Variants in KCNN3 observed in about 807,000 individuals in gnomAD.
The protein encoded by KCNN3 is small conductance calcium-activated potassium channel protein 3.
In KCNN3, 16 loss-of-function variants were observed where a neutral mutation model predicts 62.9. The ratio of observed to expected loss-of-function variants is 0.25; its 90% confidence interval spans 0.17 to 0.39. KCNN3 has a LOEUF of 0.39. Ranked by LOEUF, KCNN3 falls within the 10% of genes least tolerant of loss-of-function variation. The pLI, the probability that KCNN3 is intolerant of heterozygous loss-of-function variation, is 1.00. For missense variants in KCNN3, 599 were observed against 949.4 expected (o/e 0.63, Z 4.85); for synonymous variants, 370 against 389.2 (o/e 0.95, Z 0.58).
chr1:154,751,291 T>A (rs1473591473), intron 3 of KCNN3, among the ~76,000 whole-genome samples: 1 of 152,218 alleles, frequency 6.6e-6, no homozygotes, highest in Admixed American at 6.5e-5. Flanking sequence ...AGGTGTTTTT[T>A]TGGATCACAT....
intron 1 of KCNN3, among the ~76,000 whole-genome samples, chr1:154,825,977 G>A (rs1177800121): frequency 6.6e-6 from 1 of 151,254 alleles, no homozygotes; most frequent in East Asian, 2.0e-4. Context: ...GAACCCGGGA[G>A]GCGGAGCTTG....
rs1305948105 is a variant in KCNN3, at chr1:154,822,146, A to G, written c.972T>C (p.Ser324=). 6.2e-7 allele frequency: 1 copy of G among 1,614,034 alleles called. No individual in the cohort carries two copies. The highest frequency in any genetic ancestry group is 1.3e-5 in the African/African-American group (1 of 74,924). Residue 324 remains serine, a synonymous_variant, in exon 2 of 8, where the codon AGT becomes AGC. Coordinates refer to ENST00000271915, the MANE Select transcript of KCNN3 (RefSeq NM_002249.6). The part of the protein sequence containing the change: ...MFSLALKCLI[S]LSTIILLGLI... ...AGCCCAAAAGGATGATGGTGGACAG[A>G]CTGATAAGGCATTTCAGGGCCAACG...
chr1:154,793,733 GTTAAC>G (rs1649613871), intron 2 of KCNN3, among the ~76,000 whole-genome samples: 1 of 152,204 alleles, frequency 6.6e-6, no homozygotes, highest in Non-Finnish European at 1.5e-5. Flanking sequence ...GGCTGGAGTA[GTTAAC>G]TTAGCTTGAC....
rs112864449 is a variant in KCNN3, at chr1:154,771,058, G to GATAAATAA, written c.1448+909_1448+916dup. On this transcript the variant is annotated intron_variant, in intron 3 of 7. Transcript: ENST00000271915. ...GGCGAGAGAGCGAGACTCCATCTCA[G>GATAAATAA]ATAAATAAATAAATAAATAAATAAA... Among the ~76,000 whole-genome samples the GATAAATAA allele has an allele frequency of 4.3e-3, 590 of 136,648 alleles. 6 individuals carry two copies. Among genetic ancestry groups the GATAAATAA allele is most frequent in the African/African-American group, 0.01 (374 of 36,030 alleles). 89.6% of individuals were successfully genotyped at this position (136,648 alleles called of 152,430 possible).
chr1:154,799,515 C>A (rs1428023858), intron 2 of KCNN3, among the ~76,000 whole-genome samples: 1 of 152,206 alleles, frequency 6.6e-6, no homozygotes, highest in African/African-American at 2.4e-5. Flanking sequence ...CGAGGGCAGG[C>A]TGACCCGCTT....
At chr1:154,735,476 C>A (rs1401945027) in intron 3 of KCNN3, among the ~76,000 whole-genome samples, 4 of 152,302 alleles carry the variant, frequency 2.6e-5, no homozygotes, top group African/African-American at 9.6e-5. Flanking sequence ...CCTGCCCACT[C>A]CATCTGCTAT....
At chr1:154,719,612 T>C (rs4845663) in intron 5 of KCNN3, among the ~76,000 whole-genome samples, 78,417 of 151,982 alleles carry the variant, frequency 0.52, 22,986 homozygotes, top group African/African-American at 0.82. Flanking sequence ...AGGTTGAAAT[T>C]AGGCTGAGTG....
At chr1:154,804,638 G>A (rs1323982115) in intron 2 of KCNN3, among the ~76,000 whole-genome samples, 1 of 151,980 alleles carries the variant, frequency 6.6e-6, no homozygotes, top group Non-Finnish European at 1.5e-5. Context: ...GAAATTAACT[G>A]AATCCCACAG....
At chr1:154,713,615 A>G (rs1700122783) in intron 6 of KCNN3, 82 bp from the exon 7 acceptor site, 1 of 1,154,126 alleles carries the variant, frequency 8.7e-7, no homozygotes, top group Non-Finnish European at 1.3e-6. Flanking sequence ...CAGCCCTACC[A>G]CTGCCTCTGA....
At chr1:154,723,765 G>T (rs2101779378) in intron 5 of KCNN3, among the ~76,000 whole-genome samples, 1 of 152,316 alleles carries the variant, frequency 6.6e-6, no homozygotes, top group African/African-American at 2.4e-5. Flanking sequence ...ACATCTCCCT[G>T]CCCTCACTCC....
chr1:154,745,367 G>A (rs1442425867), intron 3 of KCNN3, among the ~76,000 whole-genome samples: 15 of 152,236 alleles, frequency 9.9e-5, no homozygotes, highest in Admixed American at 5.2e-4. Flanking sequence ...CTGTGAAAAC[G>A]AGAGTTTGGT....
At chr1:154,861,271 C>A (rs1652759971) in intron 1 of KCNN3, among the ~76,000 whole-genome samples, 1 of 152,018 alleles carries the variant, frequency 6.6e-6, no homozygotes, top group Admixed American at 6.6e-5. Context: ...CCTTAACTAC[C>A]AAGCCTGGCC....
At chr1:154,849,343 G>A (rs556140577) in intron 1 of KCNN3, among the ~76,000 whole-genome samples, 63 of 152,348 alleles carry the variant, frequency 4.1e-4, no homozygotes, top group Middle Eastern at 3.4e-3. Context: ...ATGTGGCCTC[G>A]CAGGGGCCAA....
intron 1 of KCNN3, among the ~76,000 whole-genome samples, chr1:154,828,145 C>T (rs1651214705): frequency 6.6e-6 from 1 of 152,086 alleles, no homozygotes; most frequent in East Asian, 1.9e-4. Flanking sequence ...GGTGTGCATC[C>T]GAGGGCGCAG....
intron 5 of KCNN3, among the ~76,000 whole-genome samples, chr1:154,724,955 C>T (rs1310500642): frequency 6.6e-6 from 1 of 151,314 alleles, no homozygotes; most frequent in African/African-American, 2.4e-5. Context: ...TTCCTGGGTT[C>T]AAGTGATTCT....
At chr1:154,817,604 C>T (rs1571305920) in intron 2 of KCNN3, among the ~76,000 whole-genome samples, 1 of 152,214 alleles carries the variant, frequency 6.6e-6, no homozygotes, top group Non-Finnish European at 1.5e-5. Context: ...TTGCGCCAAG[C>T]TGGGCTGCTC....
chr1:154,868,408 T>C (rs1392090987), intron 1 of KCNN3: 2 of 968,074 alleles, frequency 2.1e-6, no homozygotes, highest in Non-Finnish European at 2.5e-6. Flanking sequence ...GTTTTCTATT[T>C]TGCCCGAGAC....
At chr1:154,829,623 C>A (rs1237081411) in intron 1 of KCNN3, among the ~76,000 whole-genome samples, 1 of 152,188 alleles carries the variant, frequency 6.6e-6, no homozygotes, top group East Asian at 1.9e-4. Context: ...GCATCATGAG[C>A]CAGCTGACCC....
chr1:154,763,208 T>C (rs1648103569), intron 3 of KCNN3, among the ~76,000 whole-genome samples: 1 of 152,208 alleles, frequency 6.6e-6, no homozygotes, highest in Non-Finnish European at 1.5e-5. Context: ...CTCAATTAAA[T>C]TTATATTTTA....
Sources: allele counts gnomAD v4.1 joint callset (sites outside exome capture counted in the v4.1 genomes callset), GRCh38; gene constraint gnomAD v4.1.1; transcripts MANE v1.5; gene names NCBI Gene and HGNC (gene_info 2026-07-23, HGNC 2026-07-21).